Variants in TBC1D17 observed in about 807,000 individuals in gnomAD.
The protein encoded by TBC1D17 is TBC1 domain family, member 17.
A neutral mutation model predicts 78.8 loss-of-function variants in TBC1D17; 69 were observed. That is an observed-to-expected ratio of 0.88 (90% CI 0.72 to 1.07). TBC1D17 has a LOEUF of 1.07. Among genes scored for constraint, TBC1D17 ranks in the 50% least tolerant of loss-of-function variants. The probability of loss-of-function intolerance (pLI) is 0.00; values close to 1 mark genes in which losing one functional copy is unlikely to be tolerated. For synonymous variants in TBC1D17, 456 were observed against 358.3 expected, an observed-to-expected ratio of 1.27 and a Z score of -3.08; for missense variants, 957 against 861.0, an observed-to-expected ratio of 1.11 and a Z score of -1.39.
At chr19:49,880,807 G>A (rs535524103) in intron 4 of TBC1D17, among the ~76,000 whole-genome samples, 1 of 152,224 alleles carries the variant, frequency 6.6e-6, no homozygotes, top group African/African-American at 2.4e-5. Flanking sequence ...CCAGGAAGAG[G>A]TGATGCTGGA....
intron 13 of TBC1D17, chr19:49,885,617 G>A (rs184710829): frequency 6.6e-6 from 1 of 151,896 alleles, no homozygotes. Flanking sequence ...AGGAGTTTGA[G>A]ACCAGCCTGG....
Position 49,882,909 on chromosome 19 carries a change from G to A in TBC1D17, c.927+17G>A, listed in dbSNP as rs375026571. On this transcript the variant is annotated intron_variant, in intron 8 of 16. Coordinates refer to ENST00000221543, the MANE Select transcript of TBC1D17 (RefSeq NM_024682.3). ...TTCTCGGGGGTGAGTGCCAGGACAG[G>A]TGGAAGAATGGGGCAGGGCCAGAAC... 11 of 1,599,840 alleles carry A rather than the reference G, an allele frequency of 6.9e-6. No homozygotes were observed. The African/African-American group carries it at 1.5e-4, about 22-fold the overall frequency.
intron 13 of TBC1D17, chr19:49,886,567 C>G (rs1284518168): frequency 1.3e-5 from 2 of 152,198 alleles, no homozygotes; most frequent in Admixed American, 6.5e-5. Flanking sequence ...TGTAACTTGA[C>G]CTGCTGGAGA....
At chr19:49,880,077 C>T (rs181649156) in intron 3 of TBC1D17, among the ~76,000 whole-genome samples, 136 of 152,082 alleles carry the variant, frequency 8.9e-4, no homozygotes, top group Middle Eastern at 6.8e-3. Flanking sequence ...AGGCTGGTCT[C>T]GAACTCCCGA....
In TBC1D17 at chr19:49,883,694, C is replaced by T. The variant is rs751560911; in HGVS notation, c.1075C>T (p.Pro359Ser). 27 of 1,613,908 alleles carry T rather than the reference C, an allele frequency of 1.7e-5. No individual in the cohort carries two copies. The highest frequency in any genetic ancestry group is 2.2e-5 in the Non-Finnish European group (26 of 1,179,960). Residue 359 changes from proline (P) to serine (S), a missense_variant, in exon 10 of 17, where the codon CCT becomes TCT. Physicochemically the swap from Pro to Ser is moderately conservative, Grantham distance 74. Transcript: ENST00000221543. ...GAAGCTGCAGTGGAAATCTGTGAGC[C>T]CTGAGCAGGAGCGGAGAAACTCACT... ...RMKLQWKSVS[P>S]EQERRNSLLH...
At chr19:49,879,558 A>T (rs1319541860) in intron 3 of TBC1D17, 1 of 151,884 alleles carries the variant, frequency 6.6e-6, no homozygotes, top group Non-Finnish European at 1.5e-5. Flanking sequence ...TTCCAGCTGC[A>T]AAGAAACCTG....
At chr19:49,885,145 G>C (rs977124871) in intron 13 of TBC1D17, 2 of 258,760 alleles carry the variant, frequency 7.7e-6, no homozygotes, top group African/African-American at 4.4e-5. Context: ...CTGCATCCCA[G>C]CTTTAACATT....
At chr19:49,882,492 A>G in intron 7 of TBC1D17, 92 bp downstream of exon 7, 1 of 1,528,082 alleles carries the variant, frequency 6.5e-7, no homozygotes. Context: ...CCTCTTTGGT[A>G]AAACGGGGAT....
intron 16 of TBC1D17, 25 bp downstream of exon 16, chr19:49,888,342 GC>G: frequency 1.3e-6 from 2 of 1,503,722 alleles, no homozygotes. Context: ...GCCCCGCAGC[GC>G]CCCGCCCGAA....
rs768810325 is a variant in TBC1D17, at chr19:49,887,498, C to A, written c.1467C>A (p.Leu489=). 8 of 1,614,166 alleles carry A rather than the reference C, an allele frequency of 5.0e-6. No individual in the cohort carries two copies. The highest frequency in any genetic ancestry group is 6.8e-6 in the Non-Finnish European group (8 of 1,180,010). ...CAGATTCCCAGGACTCCGGCTCTCT[C>A]TGCTTCTGTTTCCGGTGGCTGCTCA... ...DFLDSQDSGS[L]CFCFRWLLIW... The change falls in exon 14 of 17, where the codon CTC becomes CTA. Residue 489 remains leucine, a synonymous_variant. Transcript: ENST00000221543.
chr19:49,878,197 G>A lies in TBC1D17; in HGVS notation c.76G>A (p.Asp26Asn). ...GCACACCAGCGCTAAGAAGTATCAG[G>A]ACCGAGACTCTCTCATCGCTGGTGT... Reference protein sequence around the residue: ...YLHTSAKKYQDRDSLIAGVIR... With the variant: ...YLHTSAKKYQNRDSLIAGVIR... The change falls in exon 2 of 17, where the codon GAC becomes AAC. Residue 26 changes from aspartate to asparagine, a missense_variant. Physicochemically the swap from Asp to Asn is conservative, Grantham distance 23. Coordinates refer to ENST00000221543, the MANE Select transcript of TBC1D17 (RefSeq NM_024682.3). 6.4e-7 allele frequency: 1 copy of A among 1,571,534 alleles called. No homozygotes were observed. Among genetic ancestry groups the A allele is most frequent in the South Asian group, 1.2e-5 (1 of 85,596 alleles).
At position 49,888,620 on chromosome 19, in the gene TBC1D17, C is replaced by T. The variant is rs1194792051; in HGVS notation, c.1943C>T (p.Ser648Phe). Residue 648 changes from serine to phenylalanine, a missense_variant, in exon 17 of 17, where the codon TCC (serine) becomes TTC (phenylalanine). By Grantham distance (155) the Ser-to-Phe change is radical (BLOSUM62 -2). Transcript: ENST00000221543. ...LPEEEDEGAD[S>F] ...GAGGAGGAGGACGAGGGCGCCGACT[C>T]CTAACCCCGCCAGGCAGCCTCGTTC... 1 of 1,532,730 alleles carries T rather than the reference C, an allele frequency of 6.5e-7. No individual in the cohort carries two copies. The highest frequency in any genetic ancestry group is 1.7e-4 in the Middle Eastern group (1 of 5,952). The allele number at this position is 1,532,730 out of a possible 1,614,324, so 94.9% of individuals were successfully genotyped here.
intron 1 of TBC1D17, 83 bp downstream of exon 1, chr19:49,877,827 T>C: frequency 6.8e-7 from 1 of 1,472,462 alleles, no homozygotes; most frequent in Non-Finnish European, 9.2e-7. Context: ...AGGCCTTGGC[T>C]CTCGAGAATC....
intron 13 of TBC1D17, chr19:49,886,511 T>C (rs2075059524): frequency 6.6e-6 from 1 of 152,166 alleles, no homozygotes; most frequent in Non-Finnish European, 1.5e-5. Context: ...ATCACTTTTC[T>C]TGACTGCGCG....
Position 49,887,741 on chromosome 19 carries a change from C to T in TBC1D17, c.1566C>T (p.Gly522=), listed in dbSNP as rs751881516. ...AGGTGCTGTGGACAGGGCTCCCTGG[C>T]CCCAATCTGCACCTGCTGGTGGCCT... is the stretch of plus-strand genomic sequence containing the variant. ...LWEVLWTGLP[G]PNLHLLVACA... The change falls in exon 15 of 17, where the codon GGC becomes GGT. Residue 522 remains glycine, a synonymous_variant. Coordinates refer to ENST00000221543, the MANE Select transcript of TBC1D17 (RefSeq NM_024682.3). 4 of 1,613,762 alleles carry T rather than the reference C, an allele frequency of 2.5e-6. No individual in the cohort carries two copies. The highest frequency in any genetic ancestry group is 4.5e-5 in the East Asian group (2 of 44,880).
At chr19:49,886,748 CT>C (rs1180925603) in intron 13 of TBC1D17, 1 of 152,410 alleles carries the variant, frequency 6.6e-6, no homozygotes, top group Non-Finnish European at 1.5e-5. Context: ...CAGACTCTCA[CT>C]TTCATTTGAG....
intron 5 of TBC1D17, among the ~76,000 whole-genome samples, chr19:49,881,835 GA>G (rs1300696944): frequency 2.0e-5 from 3 of 152,114 alleles, no homozygotes; most frequent in African/African-American, 7.2e-5. Context: ...ACCGGAAGGT[GA>G]AAGGCCCTCA....
intron 13 of TBC1D17, 59 bp downstream of exon 13, chr19:49,884,817 C>A: frequency 2.0e-6 from 3 of 1,476,532 alleles, no homozygotes; most frequent in Non-Finnish European, 2.8e-6. Context: ...GCCAGATTCT[C>A]TGGTAGCAGC....
chr19:49,887,636 G>A, intron 14 of TBC1D17, 63 bp downstream of exon 14: 3 of 1,610,684 alleles, frequency 1.9e-6, no homozygotes, highest in Admixed American at 1.7e-5. Flanking sequence ...GGGAGGTTGG[G>A]CGGAGAGGGA....
Sources: allele counts gnomAD v4.1 joint callset (sites outside exome capture counted in the v4.1 genomes callset), GRCh38; gene constraint gnomAD v4.1.1; transcripts MANE v1.5; gene names NCBI Gene and HGNC (gene_info 2026-07-23, HGNC 2026-07-21).